Variants in CNGB1 observed in about 807,000 individuals in gnomAD.
CNGB1 encodes the protein cyclic nucleotide gated channel subunit beta 1, also known as cyclic nucleotide-gated channel beta-1.
In CNGB1, 126 loss-of-function variants were observed where a neutral mutation model predicts 151.7. The ratio of observed to expected loss-of-function variants is 0.83; its 90% CI spans 0.72 to 0.96. The LOEUF (loss-of-function observed/expected upper bound fraction) is 0.96, where lower values mean the gene tolerates loss of function less well. Among genes scored for constraint, CNGB1 ranks in the 40% least tolerant of loss-of-function variants. The pLI, the probability that CNGB1 is intolerant of heterozygous loss-of-function variation, is 0.00. For missense variants in CNGB1, 1,698 were observed against 1,627.0 expected (o/e 1.04, Z -0.75); for synonymous variants, 623 against 635.1 (o/e 0.98, Z 0.29).
intron 14 of CNGB1, among the ~76,000 whole-genome samples, chr16:57,941,070 G>A (rs550254956): frequency 6.6e-6 from 1 of 152,270 alleles, no homozygotes; most frequent in African/African-American, 2.4e-5. Flanking sequence ...TGAAATATAT[G>A]TTTCTAAGGT....
chr16:57,960,819 C>A (rs1332123971), intron 8 of CNGB1, 21 bp downstream of exon 8: 1 of 1,612,194 alleles, frequency 6.2e-7, no homozygotes, highest in South Asian at 1.1e-5. Flanking sequence ...CAACTCCCTG[C>A]CTCTCCCTTC....
chr16:57,953,347 T>A (rs1381444661), intron 12 of CNGB1, among the ~76,000 whole-genome samples: 5 of 151,680 alleles, frequency 3.3e-5, no homozygotes, highest in African/African-American at 1.2e-4. Flanking sequence ...ATACAAAAAT[T>A]AGCTGGGCGT....
chr16:57,905,775 T>C (rs1445174574), intron 25 of CNGB1, among the ~76,000 whole-genome samples: 2 of 152,358 alleles, frequency 1.3e-5, no homozygotes, highest in South Asian at 4.1e-4. Context: ...ATTCCTCTCC[T>C]CTAGTGGACA....
rs557896343 is a variant in CNGB1, at chr16:57,908,809, C to T, written c.2492+2944G>A. 1.0e-3 allele frequency among the ~76,000 whole-genome samples: 158 copies of T among 152,288 alleles called. 1 individual carries two copies. The highest frequency in any genetic ancestry group is 3.8e-3 in the African/African-American group (156 of 41,564). ...TCCCCTAGGTCAAGCCACCGGTTGG[C>T]CTGGAGGGTTTGCTGCTCTCTCTGA... On this transcript the variant is annotated intron_variant, in intron 25 of 32. Coordinates refer to ENST00000251102, the MANE Select transcript of CNGB1 (RefSeq NM_001297.5).
chr16:57,962,918 G>A, intron 5 of CNGB1, 46 bp from the exon 6 acceptor site: 1 of 1,612,076 alleles, frequency 6.2e-7, no homozygotes, highest in Non-Finnish European at 8.5e-7. Context: ...CCCAAGGGCA[G>A]CCTCCCCACA....
At chr16:57,941,152 G>A (rs1961657720) in intron 14 of CNGB1, among the ~76,000 whole-genome samples, 1 of 152,148 alleles carries the variant, frequency 6.6e-6, no homozygotes, top group African/African-American at 2.4e-5. Context: ...AGCCAAAAGA[G>A]CCCATCTCCA....
At chr16:57,892,316 C>T (rs1960114075) in intron 31 of CNGB1, among the ~76,000 whole-genome samples, 2 of 152,120 alleles carry the variant, frequency 1.3e-5, no homozygotes, top group Admixed American at 6.5e-5. Context: ...GTCCATGAAT[C>T]ACAAGGGTCC....
intron 31 of CNGB1, among the ~76,000 whole-genome samples, chr16:57,894,808 C>A (rs1960180129): frequency 6.6e-6 from 1 of 152,110 alleles, no homozygotes; most frequent in Non-Finnish European, 1.5e-5. Context: ...GTTCTACATA[C>A]TGAAAACAAG....
At chr16:57,897,719 C>T in intron 30 of CNGB1, 77 bp downstream of exon 30, 1 of 1,543,304 alleles carries the variant, frequency 6.5e-7, no homozygotes, top group Non-Finnish European at 9.0e-7. Flanking sequence ...AAGCCGTAGA[C>T]ACTCGCACTG....
Position 57,884,008 on chromosome 16 carries a change from G to T in CNGB1, c.*156C>A. Reference sequence around the variant, plus strand: ...GGAGCTGAGTCGGGGCTGGCGTGCTGGCGGGACGGTCAGAGCTGCAGCCAC... The same window carrying T: ...GGAGCTGAGTCGGGGCTGGCGTGCTTGCGGGACGGTCAGAGCTGCAGCCAC... On this transcript the variant is annotated 3_prime_UTR_variant, in exon 33 of 33. Coordinates refer to ENST00000251102, the MANE Select transcript of CNGB1 (RefSeq NM_001297.5). 9.6e-7 allele frequency: 1 copy of T among 1,045,396 alleles called. No individual in the cohort carries two copies. The highest frequency in any genetic ancestry group is 1.4e-6 in the Non-Finnish European group (1 of 698,716). 64.8% of individuals were successfully genotyped at this position (1,045,396 alleles called of 1,614,324 possible). A position where few individuals can be genotyped will look rare whatever the true frequency, so the allele number is the denominator to read the frequency against.
intron 20 of CNGB1, among the ~76,000 whole-genome samples, chr16:57,918,514 C>T (rs1960942604): frequency 6.6e-6 from 1 of 152,180 alleles, no homozygotes; most frequent in Non-Finnish European, 1.5e-5. Context: ...CACATTCCTG[C>T]TCTTTTTCTG....
At position 57,911,752 on chromosome 16, in the gene CNGB1, C is replaced by T. The variant is rs530551814; in HGVS notation, c.2492+1G>A. On this transcript the variant is annotated splice_donor_variant, in intron 25 of 32. Coordinates refer to ENST00000251102, the MANE Select transcript of CNGB1 (RefSeq NM_001297.5). LOFTEE classifies it high-confidence loss of function. ...GCCCCAGGGGGAGGACTGTGGCTCA[C>T]CTGTTTCCCACGCCATCGTAAACCC... 8 of 1,613,764 alleles carry T rather than the reference C, an allele frequency of 5.0e-6. No homozygotes were observed. The highest frequency in any genetic ancestry group is 1.1e-5 in the South Asian group (1 of 91,068).
chr16:57,900,697 C>T (rs1960360140), intron 29 of CNGB1, among the ~76,000 whole-genome samples: 1 of 152,102 alleles, frequency 6.6e-6, no homozygotes, highest in South Asian at 2.1e-4. Context: ...CACGATGTCC[C>T]CCTTTGGGGC....
chr16:57,895,407 A>T (rs1165069740), intron 31 of CNGB1, among the ~76,000 whole-genome samples: 1 of 152,120 alleles, frequency 6.6e-6, no homozygotes, highest in African/African-American at 2.4e-5. Context: ...CGTCTCAAAA[A>T]AAAAAAGAAT....
Position 57,963,013 on chromosome 16 carries a change from G to C in CNGB1, c.342C>G (p.Ile114Met). 8.1e-6 allele frequency: 13 copies of C among 1,613,482 alleles called. No individual in the cohort carries two copies. The highest frequency in any genetic ancestry group is 1.1e-5 in the Non-Finnish European group (13 of 1,179,984). ...TWLMKGVEKV[I>M]PQPVHSITED... ...CCGTGATGCTGTGAACAGGCTGCGG[G>C]ATCACCTTCTCTACGCCCTTCATGA... Residue 114 changes from isoleucine (I) to methionine (M), a missense_variant, in exon 5 of 33, where the codon ATC becomes ATG. Transcript: ENST00000251102.
At chr16:57,957,033 A>C (rs1248313284) in intron 12 of CNGB1, among the ~76,000 whole-genome samples, 1 of 152,192 alleles carries the variant, frequency 6.6e-6, no homozygotes, top group African/African-American at 2.4e-5. Flanking sequence ...CATTACCAGC[A>C]GGAAGGAGAG....
chr16:57,955,267 C>A lies in CNGB1; in HGVS notation c.874+2074G>T, dbSNP rs927143074. The stretch of plus-strand genomic sequence containing the variant: ...CAGTGGCCACCTCCCCCGGGAAGGT[C>A]TTCTCTTCAGGGCATCCTTCTTTCC... On this transcript the variant is annotated intron_variant, in intron 12 of 32. Coordinates refer to ENST00000251102, the MANE Select transcript of CNGB1 (RefSeq NM_001297.5). The A allele has an allele frequency of 1.8e-4, 285 of 1,549,796 alleles. 1 individual carries two copies. Among genetic ancestry groups the A allele is most frequent in the Non-Finnish European group, 2.3e-4 (264 of 1,146,842 alleles).
rs1217395353 is a variant in CNGB1, at chr16:57,919,189, C to T, written c.1867G>A (p.Glu623Lys). ...TKPAEAEPVE[E>K]EHYCDMLCCK... ...CAGAGCATGTCGCAATAGTGCTCCT[C>T]TTCCACTGGCTCGGCTTCAGCGGGC... The change falls in exon 20 of 33, where the codon GAG becomes AAG. Residue 623 changes from glutamate (E) to lysine (K), a missense_variant. Glu to Lys is a moderately conservative substitution (Grantham distance 56). Coordinates refer to ENST00000251102, the MANE Select transcript of CNGB1 (RefSeq NM_001297.5). 6 of 1,614,126 alleles carry T rather than the reference C, an allele frequency of 3.7e-6. No individual in the cohort carries two copies. In the African/African-American group the frequency reaches 5.3e-5, roughly 14 times the overall value.
At chr16:57,948,730 T>C (rs1488188309) in intron 14 of CNGB1, among the ~76,000 whole-genome samples, 1 of 152,194 alleles carries the variant, frequency 6.6e-6, no homozygotes, top group Non-Finnish European at 1.5e-5. Context: ...CTGCCTGCTC[T>C]TCCCCATGCA....
Sources: gnomAD v4.1 joint callset for allele counts (sites outside exome capture counted in the v4.1 genomes callset) on GRCh38, gnomAD v4.1.1 for gene constraint, MANE v1.5 for transcripts, NCBI Gene and HGNC (gene_info 2026-07-23, HGNC 2026-07-21) for gene names.